The following SELP variants were observed in gnomAD, a reference collection of about 807,000 sequenced individuals.
The protein encoded by SELP is P-selectin.
Under a neutral mutation model 104.1 loss-of-function variants are expected in SELP, and 92 were observed. The ratio of observed to expected loss-of-function variants is 0.88; its 90% CI spans 0.75 to 1.05. The LOEUF (loss-of-function observed/expected upper bound fraction) is 1.05, where lower values mean the gene tolerates loss of function less well. SELP is among the 50% of genes least tolerant of loss of function. The pLI, the probability that SELP is intolerant of heterozygous loss-of-function variation, is 0.00. For missense variants in SELP, 1,022 were observed against 1,017.3 expected (o/e 1.00, Z -0.06); for synonymous variants, 397 against 364.5 (o/e 1.09, Z -1.01).
chr1:169,595,989 T>C lies in SELP; in HGVS notation c.2037A>G (p.Ile679Met). 1 of 1,613,922 alleles carries C rather than the reference T, an allele frequency of 6.2e-7. No homozygotes were observed. The highest frequency in any genetic ancestry group is 2.2e-5 in the East Asian group (1 of 44,886). Reference sequence around the variant, plus strand: ...GTCTGCAGCTGAGAGTGCTGTCTCCTATGAGTGTGAATCCAGCGTTGCAGC... The same window carrying C: ...GTCTGCAGCTGAGAGTGCTGTCTCCCATGAGTGTGAATCCAGCGTTGCAGC... ...YFGCNAGFTL[I>M]GDSTLSCRPS... The change falls in exon 12 of 17, where the codon ATA becomes ATG. Residue 679 changes from isoleucine to methionine, a missense_variant. Physicochemically the swap from Ile to Met is conservative, Grantham distance 10 (BLOSUM62 1). Coordinates refer to ENST00000263686, the MANE Select transcript of SELP (RefSeq NM_003005.4).
intron 7 of SELP, among the ~76,000 whole-genome samples, chr1:169,610,851 C>G (rs1349149800): frequency 2.0e-5 from 3 of 152,070 alleles, no homozygotes; most frequent in Non-Finnish European, 4.4e-5. Context: ...TCTCTCTTCT[C>G]TCTTATGTTT....
chr1:169,627,798 A>G lies in SELP; in HGVS notation c.3+2274T>C, dbSNP rs1188306200. Among the ~76,000 whole-genome samples the G allele has an allele frequency of 2.0e-5, 3 of 152,366 alleles. No individual in the cohort carries two copies. In the South Asian group the frequency reaches 6.2e-4, roughly 32 times the overall value. ...CTATTTTAGTTGCATTTTGAAAAAC[A>G]GGTAATGAAAAGAAGAGTAAGGACT... On this transcript the variant is annotated intron_variant, in intron 1 of 16. Transcript: ENST00000263686.
intron 10 of SELP, among the ~76,000 whole-genome samples, chr1:169,597,898 A>T (rs1214171006): frequency 1.3e-5 from 2 of 152,174 alleles, no homozygotes; most frequent in African/African-American, 4.8e-5. Flanking sequence ...AAGTCTCTGA[A>T]GACTCTGCTG....
At position 169,612,365 on chromosome 1, in the gene SELP, T is replaced by G; in HGVS notation, c.813A>C (p.Gly271=). The G allele has an allele frequency of 1.2e-6, 2 of 1,614,118 alleles. No individual in the cohort carries two copies. Among genetic ancestry groups the G allele is most frequent in the South Asian group, 2.2e-5 (2 of 91,078 alleles). ...QCPPLKIPER[G]NMTCLHSAKA... is the part of the protein sequence containing the mutation. Reference sequence around the variant, plus strand: ...TTGCAGAATGAAGGCAGGTCATGTTTCCTCGTTCAGGAATCTTCAGGGGTG... The same window carrying G: ...TTGCAGAATGAAGGCAGGTCATGTTGCCTCGTTCAGGAATCTTCAGGGGTG... The change falls in exon 6 of 17, where the codon GGA becomes GGC. Residue 271 remains glycine (G), a synonymous_variant. Coordinates refer to ENST00000263686, the MANE Select transcript of SELP (RefSeq NM_003005.4).
intron 8 of SELP, among the ~76,000 whole-genome samples, chr1:169,608,046 G>T (rs1662289757): frequency 6.6e-6 from 1 of 151,796 alleles, no homozygotes; most frequent in African/African-American, 2.4e-5. Context: ...AGCTCATTGT[G>T]TCTTTTTCTC....
intron 1 of SELP, among the ~76,000 whole-genome samples, chr1:169,624,910 G>T (rs1325428459): frequency 6.6e-6 from 1 of 152,172 alleles, no homozygotes; most frequent in East Asian, 1.9e-4. Context: ...TTACAAAGTT[G>T]GCAAGAATAG....
chr1:169,615,612 G>A lies in SELP; in HGVS notation c.481+1416C>T, dbSNP rs556881170. On this transcript the variant is annotated intron_variant, in intron 3 of 16. Coordinates refer to ENST00000263686, the MANE Select transcript of SELP (RefSeq NM_003005.4). ...TCTAGGGAGGCATAGCCCAGAAAGGGGTAGAGAGCTGACTGGGAGAGCAGT... is the reference window on the plus strand; with the variant it reads ...TCTAGGGAGGCATAGCCCAGAAAGGAGTAGAGAGCTGACTGGGAGAGCAGT... 1.8e-4 allele frequency among the ~76,000 whole-genome samples: 27 copies of A among 152,252 alleles called. No individual in the cohort carries two copies. In the Middle Eastern group the frequency reaches 0.01, roughly 58 times the overall value.
Position 169,612,276 on chromosome 1 carries a change from G to C in SELP, c.902C>G (p.Pro301Arg), listed in dbSNP as rs6124. The C allele has an allele frequency of 2.4e-5, 39 of 1,614,110 alleles. No homozygotes were observed. Among genetic ancestry groups the C allele is most frequent in the Non-Finnish European group, 3.3e-5 (39 of 1,180,004 alleles). Residue 301 changes from proline to arginine, a missense_variant, in exon 6 of 17, where the codon CCG (proline) becomes CGG (arginine). Physicochemically the swap from Pro to Arg is moderately radical, Grantham distance 103. Transcript: ENST00000263686. ...SCEEGFALVG[P>R]EVVQCTASGV... is the part of the protein sequence containing the mutation. ...CGAGGCTGTGCATTGCACCACTTCC[G>C]GTCCAACTAATGCAAATCCCTCTTC...
At chr1:169,609,386 G>A (rs1357157473) in intron 8 of SELP, 118 bp downstream of exon 8, 2 of 991,774 alleles carry the variant, frequency 2.0e-6, no homozygotes, top group East Asian at 5.1e-5. Context: ...AAAGGACATG[G>A]CCCATAGTAG....
chr1:169,608,266 A>G (rs1662303134), intron 8 of SELP, among the ~76,000 whole-genome samples: 1 of 151,916 alleles, frequency 6.6e-6, no homozygotes, highest in Admixed American at 6.6e-5. Flanking sequence ...TATTAAGCAC[A>G]TTCATATTAT....
At chr1:169,620,795 T>TGTGTG (rs1663061658) in intron 1 of SELP, among the ~76,000 whole-genome samples, 1 of 110,832 alleles carries the variant, frequency 9.0e-6, no homozygotes, top group East Asian at 2.7e-4. Context: ...CGGTGTGGGG[T>TGTGTG]TGTGTGTGTG....
At chr1:169,618,481 G>A (rs1422119465) in intron 2 of SELP, among the ~76,000 whole-genome samples, 1 of 152,134 alleles carries the variant, frequency 6.6e-6, no homozygotes, top group African/African-American at 2.4e-5. Flanking sequence ...GTCCACCCGG[G>A]GCAGGAGAGG....
intron 10 of SELP, among the ~76,000 whole-genome samples, chr1:169,602,173 A>G (rs1360652945): frequency 6.6e-6 from 1 of 152,184 alleles, no homozygotes; most frequent in South Asian, 2.1e-4. Context: ...GATATTTGTC[A>G]CACACACCCA....
intron 10 of SELP, 59 bp downstream of exon 10, chr1:169,602,967 A>T: frequency 2.8e-6 from 4 of 1,404,554 alleles, no homozygotes; most frequent in Non-Finnish European, 3.9e-6. Flanking sequence ...ATCCCTGATG[A>T]TTCTCCATTC....
At chr1:169,615,006 G>A (rs1483404813) in intron 3 of SELP, among the ~76,000 whole-genome samples, 1 of 151,900 alleles carries the variant, frequency 6.6e-6, no homozygotes, top group Non-Finnish European at 1.5e-5. Flanking sequence ...AACTCTAGGG[G>A]AAAAAAAGAG....
Position 169,629,947 on chromosome 1 carries a change from C to A in SELP, c.3+125G>T, listed in dbSNP as rs549741045. The A allele has an allele frequency of 4.9e-6, 6 of 1,216,980 alleles. No homozygotes were observed. In the Admixed American group the frequency reaches 1.0e-4, roughly 21 times the overall value. 75.4% of individuals were successfully genotyped at this position (1,216,980 alleles called of 1,614,324 possible). ...AAAAGTACTCACAAAATCTAATAGG[C>A]AATTCAACATAAAACTCCATGGCTA... is the stretch of plus-strand genomic sequence containing the variant. On this transcript the variant is annotated intron_variant, in intron 1 of 16. Coordinates refer to ENST00000263686, the MANE Select transcript of SELP (RefSeq NM_003005.4).
Position 169,597,012 on chromosome 1 carries a change from C to T in SELP, c.1870G>A (p.Ala624Thr). Residue 624 changes from alanine to threonine, a missense_variant, in exon 11 of 17, where the codon GCT (alanine) becomes ACT (threonine). Ala to Thr is a moderately conservative substitution (Grantham distance 58). Transcript: ENST00000263686. ...VECTTSGRWS[A>T]TPPTCKGIAS... The stretch of plus-strand genomic sequence containing the variant: ...TTACCTTTGCAGGTTGGTGGAGTAG[C>T]TGACCATCTTCCAGAAGTTGTGCAT... 6.2e-7 allele frequency: 1 copy of T among 1,612,282 alleles called. No individual in the cohort carries two copies. The highest frequency in any genetic ancestry group is 1.1e-5 in the South Asian group (1 of 90,978).
At chr1:169,604,686 T>C (rs973440480) in intron 9 of SELP, among the ~76,000 whole-genome samples, 5 of 152,206 alleles carry the variant, frequency 3.3e-5, no homozygotes, top group Non-Finnish European at 7.3e-5. Context: ...TTGAAAAGTA[T>C]TTCTGTAGTA....
At chr1:169,616,014 C>T (rs908824642) in intron 3 of SELP, among the ~76,000 whole-genome samples, 7 of 152,116 alleles carry the variant, frequency 4.6e-5, no homozygotes, top group East Asian at 1.9e-4. Context: ...AGGACAGAAC[C>T]GGCCCCTCTG....
Sources: gnomAD v4.1 joint callset for allele counts (sites outside exome capture counted in the v4.1 genomes callset) on GRCh38, gnomAD v4.1.1 for gene constraint, MANE v1.5 for transcripts, NCBI Gene and HGNC (gene_info 2026-07-23, HGNC 2026-07-21) for gene names.